Variants in WDR5 observed in about 807,000 individuals in gnomAD.
WDR5 encodes WD repeat domain 5, also known as WD repeat-containing protein 5.
For synonymous variants in WDR5, 144 were observed against 161.6 expected, an observed-to-expected ratio of 0.89 and a Z score of 0.83; for missense variants, 187 against 416.9, an observed-to-expected ratio of 0.45 and a Z score of 4.80.
chr9:134,155,658 T>C (rs1832713670), intron 11 of WDR5, 35 bp from the exon 12 acceptor site: 3 of 1,603,766 alleles, frequency 1.9e-6, no homozygotes, highest in South Asian at 1.1e-5. Flanking sequence ...AGGGGAACCA[T>C]GACTCTGTGA....
At chr9:134,137,501 G>C (rs1241886790) in intron 1 of WDR5, among the ~76,000 whole-genome samples, 1 of 151,868 alleles carries the variant, frequency 6.6e-6, no homozygotes, top group South Asian at 2.1e-4. Flanking sequence ...TGGGCAACAT[G>C]GCGAAACTCC....
chr9:134,147,286 G>A (rs1283430182), intron 7 of WDR5, among the ~76,000 whole-genome samples: 1 of 152,194 alleles, frequency 6.6e-6, no homozygotes, highest in African/African-American at 2.4e-5. Flanking sequence ...ATGCCCCGGG[G>A]ACCTGTTCGA....
chr9:134,152,596 G>A (rs1255189001), intron 9 of WDR5, among the ~76,000 whole-genome samples: 1 of 152,258 alleles, frequency 6.6e-6, no homozygotes. Flanking sequence ...GAGCGGAAGG[G>A]TTTTCATCCG....
chr9:134,138,960 G>C lies in WDR5; in HGVS notation c.-58-860G>C, dbSNP rs564349390. 5.9e-5 allele frequency among the ~76,000 whole-genome samples: 9 copies of C among 152,314 alleles called. No individual in the cohort carries two copies. The South Asian group carries it at 1.9e-3, about 32-fold the overall frequency. ...TCCAAGTAACCTGTTGTGCTTTTAT[G>C]AGATGTATTGAAGTAATGAATCTAT... On this transcript the variant is annotated intron_variant, in intron 1 of 13. Coordinates refer to ENST00000358625, the MANE Select transcript of WDR5 (RefSeq NM_017588.3).
intron 2 of WDR5, 69 bp from the exon 3 acceptor site, chr9:134,140,634 A>G: frequency 7.3e-7 from 1 of 1,364,634 alleles, no homozygotes; most frequent in Non-Finnish European, 1.0e-6. Flanking sequence ...GGTGGGAGTC[A>G]AAATCCAAAC....
At position 134,155,381 on chromosome 9, in the gene WDR5, C is replaced by A. The variant is rs759391303; in HGVS notation, c.741+8C>A. ...GACTACAGCAAGGGGAAGGTGAGCC[C>A]CCGCAGGCTTGGGCCCCCATGGTGC... is the stretch of plus-strand genomic sequence containing the variant. On this transcript the variant is annotated splice_region_variant and intron_variant, in intron 11 of 13. Coordinates refer to ENST00000358625, the MANE Select transcript of WDR5 (RefSeq NM_017588.3). 2.3e-5 allele frequency: 37 copies of A among 1,603,028 alleles called. No homozygotes were observed. The South Asian group carries it at 4.1e-4, about 18-fold the overall frequency.
chr9:134,135,796 C>G (rs1257452010), upstream of WDR5: 2 of 152,208 alleles, frequency 1.3e-5, no homozygotes, highest in Non-Finnish European at 1.5e-5. Flanking sequence ...TGTCTGTGTA[C>G]AGGGCGTGCT....
In WDR5 at chr9:134,159,068, G is replaced by C. The variant is rs879871086; in HGVS notation, c.*1075G>C. On this transcript the variant is annotated 3_prime_UTR_variant, in exon 14 of 14. Transcript: ENST00000358625. This position sits in a 1 kb window ranked among gnomAD's most constrained non-coding sequence, Gnocchi z 4.3. ...TCGAGGGGTTGGGTGCTAAGCGCGA[G>C]CCTCGCCGTCCCTGCTGGAGCCCTC... 1 of 152,046 alleles carries C rather than the reference G, an allele frequency of 6.6e-6. No homozygotes were observed. The highest frequency in any genetic ancestry group is 1.5e-5 in the Non-Finnish European group (1 of 68,238). 9.4% of individuals were successfully genotyped at this position (152,046 alleles called of 1,614,324 possible). A position where few individuals can be genotyped will look rare whatever the true frequency, so the allele number is the denominator to read the frequency against.
chr9:134,148,430 A>AGCTCTTGCACT, intron 8 of WDR5, 87 bp downstream of exon 8: 1 of 1,195,374 alleles, frequency 8.4e-7, no homozygotes, highest in Non-Finnish European at 1.2e-6. Context: ...GGGGTACAGC[A>AGCTCTTGCACT]GTGACAAAAG....
At chr9:134,145,098 T>G (rs1832112749) in intron 7 of WDR5, among the ~76,000 whole-genome samples, 1 of 111,172 alleles carries the variant, frequency 9.0e-6, no homozygotes, top group Admixed American at 8.4e-5. Context: ...GGGGCTTTGT[T>G]TTTTTTTTTT....
At chr9:134,150,885 A>G (rs1215857105) in intron 8 of WDR5, among the ~76,000 whole-genome samples, 1 of 152,342 alleles carries the variant, frequency 6.6e-6, no homozygotes, top group South Asian at 2.1e-4. Context: ...AGGAATTGCC[A>G]GTTAGAAGAT....
At chr9:134,153,148 C>T (rs1164005696) in intron 9 of WDR5, among the ~76,000 whole-genome samples, 1 of 152,186 alleles carries the variant, frequency 6.6e-6, no homozygotes, top group Non-Finnish European at 1.5e-5. Context: ...GTCCCCTGGA[C>T]GGGCCACCTG....
At position 134,154,533 on chromosome 9, in the gene WDR5, G is replaced by C. The variant is rs754396927; in HGVS notation, c.699G>C (p.Thr233=). 6.2e-7 allele frequency: 1 copy of C among 1,614,026 alleles called. No individual in the cohort carries two copies. Among genetic ancestry groups the C allele is most frequent in the Admixed American group, 1.7e-5 (1 of 60,004 alleles). Residue 233 remains threonine, a synonymous_variant, in exon 10 of 14, where the codon ACG becomes ACC. Coordinates refer to ENST00000358625, the MANE Select transcript of WDR5 (RefSeq NM_017588.3). ...ACGGCAAATACATCCTGGCCGCCACGCTGGACAAGTGAGTACTGCGTGGGA... is the reference window on the plus strand; with the variant it reads ...ACGGCAAATACATCCTGGCCGCCACCCTGGACAAGTGAGTACTGCGTGGGA... ...SPNGKYILAA[T]LDNTLKLWDY...
chr9:134,150,605 ACAT>A (rs1341589130), intron 8 of WDR5, among the ~76,000 whole-genome samples: 2 of 152,250 alleles, frequency 1.3e-5, no homozygotes, highest in African/African-American at 4.8e-5. Context: ...ATAGAGATAC[ACAT>A]CTTTGTAGAT....
intron 1 of WDR5, 98 bp from the exon 2 acceptor site, chr9:134,139,722 G>T: frequency 1.4e-6 from 1 of 739,416 alleles, no homozygotes; most frequent in Non-Finnish European, 2.2e-6. Flanking sequence ...GGCTCAATAT[G>T]GTAGTCAAAT....
chr9:134,136,446 C>T (rs1172373082), intron 1 of WDR5, among the ~76,000 whole-genome samples: 4 of 152,004 alleles, frequency 2.6e-5, no homozygotes, highest in African/African-American at 9.7e-5. Flanking sequence ...TCCGCCTCCC[C>T]GGCGGACCGC....
At position 134,158,869 on chromosome 9, in the gene WDR5, G is replaced by C. The variant is rs1162860375; in HGVS notation, c.*876G>C. On this transcript the variant is annotated 3_prime_UTR_variant, in exon 14 of 14. Coordinates refer to ENST00000358625, the MANE Select transcript of WDR5 (RefSeq NM_017588.3). ...TCAGTGTTGCTGGGGGCGGGGAACG[G>C]GGGTGGGGAGGTTCTTAGTTGCGAA... 6.6e-6 allele frequency: 1 copy of C among 152,212 alleles called. No individual in the cohort carries two copies. Among genetic ancestry groups the C allele is most frequent in the Non-Finnish European group, 1.5e-5 (1 of 68,050 alleles). 9.4% of individuals were successfully genotyped at this position (152,212 alleles called of 1,614,324 possible).
Position 134,154,509 on chromosome 9 carries a change from C to T in WDR5, c.675C>T (p.Asn225=), listed in dbSNP as rs145729969. 2.7e-5 allele frequency: 43 copies of T among 1,614,068 alleles called. No homozygotes were observed. Among genetic ancestry groups the T allele is most frequent in the South Asian group, 1.4e-4 (13 of 91,094 alleles). Reference sequence around the variant, plus strand: ...TGTCTTTTGTGAAGTTCTCCCCGAACGGCAAATACATCCTGGCCGCCACGC... The same window carrying T: ...TGTCTTTTGTGAAGTTCTCCCCGAATGGCAAATACATCCTGGCCGCCACGC... ...PPVSFVKFSP[N]GKYILAATLD... The change falls in exon 10 of 14, where the codon AAC becomes AAT. Residue 225 remains asparagine, a synonymous_variant. Transcript: ENST00000358625.
chr9:134,137,938 T>A (rs544876610), intron 1 of WDR5, among the ~76,000 whole-genome samples: 101 of 152,208 alleles, frequency 6.6e-4, no homozygotes, highest in Non-Finnish European at 9.9e-4. Context: ...GGAGGGGGTT[T>A]CTCCATGCTG....
Sources: allele counts gnomAD v4.1 joint callset (sites outside exome capture counted in the v4.1 genomes callset), GRCh38; gene constraint gnomAD v4.1.1; non-coding constraint Gnocchi (gnomAD v3.1); transcripts MANE v1.5; gene names NCBI Gene and HGNC (gene_info 2026-07-23, HGNC 2026-07-21).